Variants in SMG5 observed in about 807,000 individuals in gnomAD.
The protein encoded by SMG5 is SMG5 nonsense mediated mRNA decay factor, also known as nonsense-mediated mRNA decay factor SMG5.
A neutral mutation model predicts 122.9 loss-of-function variants in SMG5; 53 were observed. The observed-to-expected ratio is 0.43, with a 90% confidence interval of 0.35 to 0.54. SMG5 has a LOEUF of 0.54. Ranked by LOEUF, SMG5 falls within the 20% of genes least tolerant of loss-of-function variation. SMG5 has a pLI of 0.01. For synonymous variants in SMG5, 477 were observed against 490.2 expected (o/e 0.97, Z 0.35); for missense variants, 1,153 against 1,285.6 (o/e 0.90, Z 1.58).
At chr1:156,291,342 C>T in the SMG5 span, 7 of 1,587,092 alleles carry the variant, frequency 4.4e-6, no homozygotes, top group African/African-American at 5.4e-5. Flanking sequence ...TCAGCTGACG[C>T]GCTTCCCTCG....
At position 156,273,371 on chromosome 1, in the gene SMG5, A is replaced by G. The variant is rs1236400620; in HGVS notation, c.624T>C (p.Ala208=). The G allele has an allele frequency of 1.2e-6, 2 of 1,613,566 alleles. No homozygotes were observed. The highest frequency in any genetic ancestry group is 1.1e-5 in the South Asian group (1 of 91,042). The change falls in exon 6 of 22, where the codon GCT becomes GCC. Residue 208 remains alanine, a synonymous_variant. Coordinates refer to ENST00000361813, the MANE Select transcript of SMG5 (RefSeq NM_015327.3). ...ERFYYQALSV[A]PQIGMPFNQL... The stretch of plus-strand genomic sequence containing the variant: ...TTGGGGACAACTTACCAATCTGAGG[A>G]GCTACTGACAGGGCTTGGTAGTAAA...
rs761563949 is a variant in SMG5 at position 156,250,447 on chromosome 1, G to C, written c.*140C>G. On this transcript the variant is annotated 3_prime_UTR_variant, in exon 22 of 22. Transcript: ENST00000361813. ...AGCCGGCTCCTGGGCCCTCCCTGCA[G>C]CCTCTGAGCAGCTAGGCCTCCCTCC... The C allele has an allele frequency of 2.5e-5, 19 of 763,794 alleles. No individual in the cohort carries two copies. Among genetic ancestry groups the C allele is most frequent in the Non-Finnish European group, 4.3e-5 (19 of 446,052 alleles). The allele number at this position is 763,794 out of a possible 1,614,324, so 47.3% of individuals were successfully genotyped here.
chr1:156,272,435 A>C lies in SMG5; in HGVS notation c.635-37T>G, dbSNP rs543469888. The C allele has an allele frequency of 3.4e-5, 52 of 1,552,132 alleles. No individual in the cohort carries two copies. In the East Asian group the frequency reaches 1.1e-3, roughly 32 times the overall value. On this transcript the variant is annotated intron_variant, in intron 6 of 21. Coordinates refer to ENST00000361813, the MANE Select transcript of SMG5 (RefSeq NM_015327.3). ...GAGAATTCATGCAGTCTAAGGCCACAATACTCATTCAAAGCTGCCAGGCCC... is the reference window on the plus strand; with the variant it reads ...GAGAATTCATGCAGTCTAAGGCCACCATACTCATTCAAAGCTGCCAGGCCC...
At chr1:156,286,231 A>T, upstream of SMG5, 1 of 1,609,688 alleles carries the variant, frequency 6.2e-7, no homozygotes, top group Non-Finnish European at 8.5e-7. Flanking sequence ...GCCTTTTCTG[A>T]CCCTACCCTG....
chr1:156,273,836 C>T (rs1364592531), intron 5 of SMG5, among the ~76,000 whole-genome samples: 3 of 150,682 alleles, frequency 2.0e-5, no homozygotes, highest in Middle Eastern at 3.2e-3. Context: ...ACTACAGATG[C>T]GTGCCACCAC....
At chr1:156,278,499 G>C (rs150777096) in intron 2 of SMG5, among the ~76,000 whole-genome samples, 3 of 151,512 alleles carry the variant, frequency 2.0e-5, no homozygotes, top group Non-Finnish European at 4.4e-5. Flanking sequence ...ACAGGTGTGC[G>C]GGATTACAGG....
intron 7 of SMG5, among the ~76,000 whole-genome samples, chr1:156,271,646 T>C (rs1662437878): frequency 8.8e-6 from 1 of 113,448 alleles, no homozygotes; most frequent in Non-Finnish European, 1.9e-5. Flanking sequence ...TGATCTCGGC[T>C]CACTGCAACC....
At chr1:156,287,986 GGGCA>G in the SMG5 span, among the ~76,000 whole-genome samples, 11 of 151,888 alleles carry the variant, frequency 7.2e-5, no homozygotes, top group Non-Finnish European at 1.2e-4. Context: ...AGGCGGAGGC[GGGCA>G]GATCATGAGG....
upstream of SMG5, chr1:156,285,162 A>G: frequency 1.3e-6 from 2 of 1,497,944 alleles, no homozygotes; most frequent in East Asian, 2.3e-5. Flanking sequence ...TTTCTGACAG[A>G]GCTTTCCTCT....
intron 16 of SMG5, among the ~76,000 whole-genome samples, chr1:156,256,591 C>G (rs1041694773): frequency 6.6e-6 from 1 of 152,122 alleles, no homozygotes; most frequent in Non-Finnish European, 1.5e-5. Flanking sequence ...CCCCAGAGAA[C>G]TAGTGTAGGT....
rs199715475 is a variant in SMG5, at chr1:156,265,878, G to C, written c.1758C>G (p.Thr586=). ...TGGGCTGGAGGAGCAGGTTGCTAAA[G>C]GTGGGGGCCAGTCGGAAGCAGCGCT... is the stretch of plus-strand genomic sequence containing the variant. ...QTKRCFRLAP[T]FSNLLLQPTT... is the part of the protein sequence containing the mutation. The change falls in exon 12 of 22, where the codon ACC becomes ACG. Residue 586 remains threonine, a synonymous_variant. Coordinates refer to ENST00000361813, the MANE Select transcript of SMG5 (RefSeq NM_015327.3). 6.2e-7 allele frequency: 1 copy of C among 1,614,200 alleles called. No homozygotes were observed. Among genetic ancestry groups the C allele is most frequent in the South Asian group, 1.1e-5 (1 of 91,082 alleles).
chr1:156,291,010 C>G, the SMG5 span: 4 of 227,400 alleles, frequency 1.8e-5, no homozygotes, highest in East Asian at 4.0e-4. Flanking sequence ...TGTGGTGGCC[C>G]GCATCTGTAA....
intron 4 of SMG5, among the ~76,000 whole-genome samples, chr1:156,276,020 T>A (rs1398390543): frequency 6.6e-6 from 1 of 151,890 alleles, no homozygotes; most frequent in Non-Finnish European, 1.5e-5. Flanking sequence ...CTCACTATGT[T>A]GCCCAGGCTG....
rs1173091503 is a variant in SMG5, at chr1:156,250,220, AG to A, written c.*366del. 36 of 357,468 alleles carry A rather than the reference AG, an allele frequency of 1.0e-4. No homozygotes were observed. Among genetic ancestry groups the A allele is most frequent in the Non-Finnish European group, 1.7e-4 (32 of 183,630 alleles). 22.1% of individuals were successfully genotyped at this position (357,468 alleles called of 1,614,324 possible). A position where few individuals can be genotyped will look rare whatever the true frequency, so the allele number is the denominator to read the frequency against. ...CACCCTGCATCTTGGGTGAGGAAGA[AG>A]GGCCTCTTTTGCTGTTCCTTCCCCT... On this transcript the variant is annotated 3_prime_UTR_variant, in exon 22 of 22. Coordinates refer to ENST00000361813, the MANE Select transcript of SMG5 (RefSeq NM_015327.3).
chr1:156,272,245 AG>A lies in SMG5; in HGVS notation c.713+74del, dbSNP rs1243561801. ...TCAGCCACAGCTAGAGGAAGGAGGA[AG>A]GGAAGACGGAAAACAAAGCCAAAAT... On this transcript the variant is annotated intron_variant, in intron 7 of 21. Coordinates refer to ENST00000361813, the MANE Select transcript of SMG5 (RefSeq NM_015327.3). 19 of 1,311,676 alleles carry A rather than the reference AG, an allele frequency of 1.4e-5. No homozygotes were observed. In the Admixed American group the frequency reaches 3.4e-4, roughly 23 times the overall value. 81.3% of individuals were successfully genotyped at this position (1,311,676 alleles called of 1,614,324 possible).
chr1:156,270,277 A>G (rs1662347962), intron 7 of SMG5, among the ~76,000 whole-genome samples: 1 of 152,168 alleles, frequency 6.6e-6, no homozygotes, highest in Non-Finnish European at 1.5e-5. Flanking sequence ...GACCAATAGA[A>G]TATTATAGAA....
chr1:156,258,523 C>A (rs988323840), intron 16 of SMG5, among the ~76,000 whole-genome samples: 1 of 152,216 alleles, frequency 6.6e-6, no homozygotes, highest in African/African-American at 2.4e-5. Flanking sequence ...TCAGGCCAGG[C>A]GTGGTGGCTC....
chr1:156,282,825 C>T lies in SMG5; in HGVS notation c.-145G>A. On this transcript the variant is annotated 5_prime_UTR_variant, in exon 1 of 22. Transcript: ENST00000361813. ...ATCGCTGTGAGGCGGCTGCCCGCGA[C>T]AGCTCCTCCTCCGCCTGCCAAATCT... 1.2e-6 allele frequency: 1 copy of T among 808,230 alleles called. No individual in the cohort carries two copies. The highest frequency in any genetic ancestry group is 1.8e-5 in the African/African-American group (1 of 55,944). The allele number at this position is 808,230 out of a possible 1,614,324, so 50.1% of individuals were successfully genotyped here.
At chr1:156,265,044 C>T (rs1662057827) in intron 12 of SMG5, among the ~76,000 whole-genome samples, 2 of 146,694 alleles carry the variant, frequency 1.4e-5, no homozygotes, top group South Asian at 4.5e-4. Flanking sequence ...AATACACACA[C>T]ACACACACAC....
Sources: gnomAD v4.1 joint callset for allele counts (sites outside exome capture counted in the v4.1 genomes callset) on GRCh38, gnomAD v4.1.1 for gene constraint, MANE v1.5 for transcripts, NCBI Gene and HGNC (gene_info 2026-07-23, HGNC 2026-07-21) for gene names.